Variants in CCDC102B observed in about 807,000 individuals in gnomAD.
CCDC102B encodes coiled-coil domain containing 102B, also known as coiled-coil domain-containing protein 102B.
In CCDC102B, 75 loss-of-function variants were observed where a neutral mutation model predicts 57.4. The ratio of observed to expected loss-of-function variants is 1.31; its 90% CI spans 1.08 to 1.58. CCDC102B has a LOEUF of 1.58. CCDC102B is among the 40% of genes most tolerant of loss of function. The probability of loss-of-function intolerance (pLI) is 0.00; values close to 1 mark genes in which losing one functional copy is unlikely to be tolerated. For synonymous variants in CCDC102B, 206 were observed against 201.9 expected (o/e 1.02, Z -0.17); for missense variants, 636 against 582.6 (o/e 1.09, Z -0.94).
intron 5 of CCDC102B, among the ~76,000 whole-genome samples, chr18:68,882,240 G>T (rs2039717755): frequency 6.6e-6 from 1 of 152,092 alleles, no homozygotes; most frequent in Non-Finnish European, 1.5e-5. Context: ...ATGCCTTATA[G>T]CTTTGAGAAA....
chr18:68,946,114 ATAGT>A (rs532537131), intron 6 of CCDC102B, among the ~76,000 whole-genome samples: 74 of 152,192 alleles, frequency 4.9e-4, no homozygotes, highest in African/African-American at 1.7e-3. Flanking sequence ...AAAAATCAAC[ATAGT>A]TAAGTGAAAC....
chr18:68,985,428 G>T lies in CCDC102B; in HGVS notation c.1264-25506G>T, dbSNP rs141526362. Among the ~76,000 whole-genome samples the T allele has an allele frequency of 2.7e-3, 416 of 152,220 alleles. 3 individuals are homozygous for T. The highest frequency in any genetic ancestry group is 9.4e-3 in the African/African-American group (389 of 41,552). ...TTTGTCAGTGTCCATCTGGTAAATA[G>T]AAATACTCTAGATCTATGAACAGAG... On this transcript the variant is annotated intron_variant, in intron 6 of 7. Transcript: ENST00000360242.
At chr18:68,765,382 G>GAAAGAAAGAAAGAA (rs2034431683) in intron 2 of CCDC102B, among the ~76,000 whole-genome samples, 1 of 125,202 alleles carries the variant, frequency 8.0e-6, no homozygotes, top group African/African-American at 3.2e-5. Flanking sequence ...AGAAAGAAAA[G>GAAAGAAAGAAAGAA]AAAGAAAGAA....
rs186592655 is a variant in CCDC102B at position 68,781,779 on chromosome 18, G to T, written c.-66-41587G>T. Among the ~76,000 whole-genome samples the T allele has an allele frequency of 1.8e-3, 279 of 152,214 alleles. 2 individuals carry two copies. Among genetic ancestry groups the T allele is most frequent in the African/African-American group, 6.5e-3 (270 of 41,556 alleles). On this transcript the variant is annotated intron_variant, in intron 2 of 3. Transcript: ENST00000578970. ...TTGTGGAATAAATAGAAGACAGAAA[G>T]ATTGGGTTATAAGTATTTAAAATTT...
In CCDC102B at chr18:68,837,115, G is replaced by A; in HGVS notation, c.352G>A (p.Glu118Lys). Reference sequence around the variant, plus strand: ...TCGAGCTGAAAGGAACAGTGCCAGGGAGGAAGGAAGACAACTCAGAATAAA... The same window carrying A: ...TCGAGCTGAAAGGAACAGTGCCAGGAAGGAAGGAAGACAACTCAGAATAAA... ...KVRAERNSAR[E>K]EGRQLRIKLE... Residue 118 changes from glutamate to lysine, a missense_variant, in exon 2 of 8, where the codon GAG becomes AAG. Transcript: ENST00000360242. 6.2e-7 allele frequency: 1 copy of A among 1,614,158 alleles called. No homozygotes were observed. Among genetic ancestry groups the A allele is most frequent in the Non-Finnish European group, 8.5e-7 (1 of 1,180,026 alleles).
chr18:68,794,321 G>A (rs1223145847), upstream of CCDC102B, among the ~76,000 whole-genome samples: 1 of 152,110 alleles, frequency 6.6e-6, no homozygotes, highest in Non-Finnish European at 1.5e-5. Flanking sequence ...CAACAGACTG[G>A]CATTAGAAAT....
intron 1 of CCDC102B, among the ~76,000 whole-genome samples, chr18:68,818,526 T>C (rs2036578139): frequency 6.6e-6 from 1 of 152,206 alleles, no homozygotes; most frequent in Non-Finnish European, 1.5e-5. Context: ...GCCTTCTTCA[T>C]GCCTTCCTCC....
intron 6 of CCDC102B, among the ~76,000 whole-genome samples, chr18:68,973,823 G>A (rs939610678): frequency 9.9e-5 from 15 of 151,944 alleles, no homozygotes; most frequent in African/African-American, 3.6e-4. Context: ...TCAAAATATG[G>A]CAAATATGGT....
At chr18:68,715,242 C>A (rs779979251) in exon 1 of CCDC102B, 4 of 1,342,112 alleles carry the variant, frequency 3.0e-6, no homozygotes, top group Non-Finnish European at 2.9e-6. Flanking sequence ...CTCGGTGCCC[C>A]CCTCCACGCC....
chr18:68,820,222 A>C (rs1464372697), intron 1 of CCDC102B, among the ~76,000 whole-genome samples: 1 of 151,984 alleles, frequency 6.6e-6, no homozygotes, highest in Non-Finnish European at 1.5e-5. Context: ...TCATATCACT[A>C]CTTTCCCTTC....
At chr18:68,915,005 A>AAG (rs374936955) in intron 6 of CCDC102B, among the ~76,000 whole-genome samples, 80 of 148,262 alleles carry the variant, frequency 5.4e-4, no homozygotes, top group African/African-American at 1.8e-3. Context: ...GACAGACAGA[A>AAG]AGAGAGAGAG....
At chr18:68,725,978 C>G (rs1430700305) in intron 2 of CCDC102B, among the ~76,000 whole-genome samples, 1 of 152,138 alleles carries the variant, frequency 6.6e-6, no homozygotes, top group Non-Finnish European at 1.5e-5. Context: ...AGAAGCAGCC[C>G]TTTTATGTCA....
At chr18:68,992,116 C>G (rs2050885555) in intron 6 of CCDC102B, among the ~76,000 whole-genome samples, 1 of 151,186 alleles carries the variant, frequency 6.6e-6, no homozygotes, top group African/African-American at 2.4e-5. Context: ...ATTTGGTTCT[C>G]TGATTCAAAG....
At chr18:68,823,970 A>C (rs1282090227) in intron 1 of CCDC102B, among the ~76,000 whole-genome samples, 1 of 148,048 alleles carries the variant, frequency 6.8e-6, no homozygotes, top group Non-Finnish European at 1.5e-5. Context: ...CTGGATGCGT[A>C]GTTTGTGAAT....
intron 6 of CCDC102B, among the ~76,000 whole-genome samples, chr18:68,987,660 A>G (rs1220464258): frequency 6.6e-6 from 1 of 152,204 alleles, no homozygotes; most frequent in Non-Finnish European, 1.5e-5. Context: ...GCATCTGACA[A>G]AGGTCTAACA....
At chr18:68,867,449 C>T (rs1368313762) in intron 4 of CCDC102B, among the ~76,000 whole-genome samples, 1 of 152,198 alleles carries the variant, frequency 6.6e-6, no homozygotes, top group African/African-American at 2.4e-5. Flanking sequence ...ACAGTGGAAA[C>T]TGCCAGCTCT....
intron 2 of CCDC102B, among the ~76,000 whole-genome samples, chr18:68,762,971 TC>T (rs2034303653): frequency 6.6e-6 from 1 of 152,032 alleles, no homozygotes; most frequent in African/African-American, 2.4e-5. Context: ...TACCTCAGCC[TC>T]ACAAACCACA....
At chr18:68,901,679 T>A (rs2145036016) in intron 6 of CCDC102B, among the ~76,000 whole-genome samples, 1 of 152,324 alleles carries the variant, frequency 6.6e-6, no homozygotes, top group Non-Finnish European at 1.5e-5. Flanking sequence ...TCTACATTTT[T>A]ATGCAAATTC....
chr18:68,930,940 T>G, intron 6 of CCDC102B, among the ~76,000 whole-genome samples: 1 of 151,604 alleles, frequency 6.6e-6, no homozygotes, highest in African/African-American at 2.4e-5. Context: ...AATGAGCACA[T>G]GATTTGTTTG....
Sources: allele counts gnomAD v4.1 joint callset (sites outside exome capture counted in the v4.1 genomes callset), GRCh38; gene constraint gnomAD v4.1.1; transcripts MANE v1.5; gene names NCBI Gene and HGNC (gene_info 2026-07-23, HGNC 2026-07-21).